EDARADD: variants seen among roughly 807,000 people sequenced by gnomAD.
EDARADD encodes the protein ectodysplasin-A receptor-associated adapter protein.
Under a neutral mutation model 25.6 loss-of-function variants are expected in EDARADD, and 20 were observed. The ratio of observed to expected loss-of-function variants is 0.78; its 90% CI spans 0.55 to 1.14. The LOEUF is 1.14. Among genes scored for constraint, EDARADD ranks in the 50% most tolerant of loss-of-function variants. EDARADD has a pLI of 0.00. For synonymous variants in EDARADD, 86 were observed against 94.4 expected, an observed-to-expected ratio of 0.91 and a Z score of 0.52; for missense variants, 225 against 270.1, an observed-to-expected ratio of 0.83 and a Z score of 1.17.
At chr1:236,454,242 GT>G (rs1356078556) in intron 4 of EDARADD, among the ~76,000 whole-genome samples, 1 of 152,076 alleles carries the variant, frequency 6.6e-6, no homozygotes, top group African/African-American at 2.4e-5. Flanking sequence ...TAGAGACAGG[GT>G]TTCACCCTGT....
In EDARADD at chr1:236,484,649, A is replaced by T. The variant is rs1167754997; in HGVS notation, c.*2000A>T. On this transcript the variant is annotated 3_prime_UTR_variant, in exon 6 of 6. Transcript: ENST00000334232. This position sits in a 1 kb window ranked among gnomAD's most constrained non-coding sequence, Gnocchi z 4.1. ...TAGAACTTCTACAGAAGCAGGTTGC[A>T]GTGAGCCGAGATTGCGCCACTGCAC... The T allele has an allele frequency of 2.2e-5, 10 of 462,240 alleles. No individual in the cohort carries two copies. Among genetic ancestry groups the T allele is most frequent in the Non-Finnish European group, 2.8e-5 (7 of 249,328 alleles). 28.6% of individuals were successfully genotyped at this position (462,240 alleles called of 1,614,324 possible).
At position 236,483,729 on chromosome 1, in the gene EDARADD, T is replaced by A. The variant is rs1247471471; in HGVS notation, c.*1080T>A. The A allele has an allele frequency of 6.6e-7, 1 of 1,524,586 alleles. No individual in the cohort carries two copies. The highest frequency in any genetic ancestry group is 1.4e-5 in the African/African-American group (1 of 72,908). 94.4% of individuals were successfully genotyped at this position (1,524,586 alleles called of 1,614,324 possible). On this transcript the variant is annotated 3_prime_UTR_variant, in exon 6 of 6. Coordinates refer to ENST00000334232, the MANE Select transcript of EDARADD (RefSeq NM_145861.4). ...AGCCATGCCCATTGGAGCGGAGGTTTACCACAGCCTGAAGAATGTCATCAA... is the reference window on the plus strand; with the variant it reads ...AGCCATGCCCATTGGAGCGGAGGTTAACCACAGCCTGAAGAATGTCATCAA...
intron 4 of EDARADD, among the ~76,000 whole-genome samples, chr1:236,450,295 A>AG (rs1658676286): frequency 6.8e-6 from 1 of 147,010 alleles, no homozygotes; most frequent in African/African-American, 2.7e-5. Flanking sequence ...CTCTGTCTCT[A>AG]AAATAATAAT....
intron 3 of EDARADD, among the ~76,000 whole-genome samples, chr1:236,389,007 C>CA (rs11415878): frequency 0.86 from 131,123 of 152,126 alleles, 56,642 homozygotes; most frequent in Middle Eastern, 0.94. Flanking sequence ...AAACATCCCT[C>CA]AAAAAACTTC....
intron 4 of EDARADD, among the ~76,000 whole-genome samples, chr1:236,443,020 G>A (rs1658442860): frequency 6.6e-6 from 1 of 152,268 alleles, no homozygotes; most frequent in African/African-American, 2.4e-5. Flanking sequence ...GGATTAATGA[G>A]TTATCGTGAG....
chr1:236,483,631 GT>G lies in EDARADD; in HGVS notation c.*984del. The G allele has an allele frequency of 6.4e-7, 1 of 1,562,626 alleles. No homozygotes were observed. Among genetic ancestry groups the G allele is most frequent in the Non-Finnish European group, 8.8e-7 (1 of 1,135,122 alleles). ...CCGGTGTTCAATGTCATCAATGGCA[GT>G]TCTCATGCTGTCACCAAGCTGGCCA... On this transcript the variant is annotated 3_prime_UTR_variant, in exon 6 of 6. Coordinates refer to ENST00000334232, the MANE Select transcript of EDARADD (RefSeq NM_145861.4).
chr1:236,440,425 T>C (rs2103021985), intron 4 of EDARADD, among the ~76,000 whole-genome samples: 1 of 152,310 alleles, frequency 6.6e-6, no homozygotes, highest in East Asian at 1.9e-4. Flanking sequence ...GGGATTATGA[T>C]TGGGATTGCA....
chr1:236,361,610 G>A (rs1350302784), intron 3 of EDARADD, among the ~76,000 whole-genome samples: 1 of 123,240 alleles, frequency 8.1e-6, no homozygotes, highest in African/African-American at 3.4e-5. Context: ...GATTACAGAC[G>A]TGAGCCACCA....
intron 1 of EDARADD, among the ~76,000 whole-genome samples, chr1:236,399,729 G>A (rs1340138077): frequency 2.0e-5 from 3 of 152,242 alleles, no homozygotes; most frequent in African/African-American, 7.2e-5. Context: ...AAACAACCGG[G>A]CTTTGAAGGT....
Position 236,414,261 on chromosome 1 carries a change from C to A in EDARADD, c.122C>A (p.Ser41Ter). The change falls in exon 3 of 6, where the codon TCA (serine) becomes TAA (stop). Residue 41 changes from serine (S) to a stop codon, truncating the protein, a stop_gained and splice_region_variant. Transcript: ENST00000334232. LOFTEE classifies it high-confidence loss of function. ...TDPSTLSFNMSDKYPIQDTEL... is the reference protein window; with the variant it reads ...TDPSTLSFNM The stretch of plus-strand genomic sequence containing the variant: ...CTCCTCTTTTGTTGGTTTCTACAGT[C>A]AGACAAATATCCCATTCAAGATACG... 3 of 1,609,904 alleles carry A rather than the reference C, an allele frequency of 1.9e-6. No homozygotes were observed. The South Asian group carries it at 3.3e-5, about 18-fold the overall frequency.
chr1:236,484,024 ACC>A lies in EDARADD; in HGVS notation c.*1377_*1378del. ...CTGTACAAGTCCTTCATCAAAAACT[ACC>A]CAGTGGTGTCTACTGAAGATCCCTT... On this transcript the variant is annotated 3_prime_UTR_variant, in exon 6 of 6. Transcript: ENST00000334232. The surrounding 1 kb of genome is among the most constrained non-coding windows in gnomAD (Gnocchi z 4.1). 2 of 1,505,110 alleles carry A rather than the reference ACC, an allele frequency of 1.3e-6. No homozygotes were observed. Among genetic ancestry groups the A allele is most frequent in the South Asian group, 2.2e-5 (2 of 88,906 alleles). The allele number at this position is 1,505,110 out of a possible 1,614,324, so 93.2% of individuals were successfully genotyped here.
At chr1:236,425,512 G>C (rs1337087451) in intron 3 of EDARADD, among the ~76,000 whole-genome samples, 1 of 152,028 alleles carries the variant, frequency 6.6e-6, no homozygotes, top group African/African-American at 2.4e-5. Context: ...CTGACCTGGG[G>C]ATGCACTTCA....
At chr1:236,373,291 T>C (rs35142545) in intron 3 of EDARADD, among the ~76,000 whole-genome samples, 44,614 of 151,198 alleles carry the variant, frequency 0.3, 6,903 homozygotes, top group African/African-American at 0.39. Context: ...CTGCAACCTC[T>C]GCCTCCCTGG....
intron 3 of EDARADD, among the ~76,000 whole-genome samples, chr1:236,368,638 C>T (rs1391586175): frequency 6.6e-6 from 1 of 151,966 alleles, no homozygotes; most frequent in Middle Eastern, 3.2e-3. Flanking sequence ...AAGGGTTTCT[C>T]CATGTTGGTC....
At chr1:236,467,424 GCGCA>G (rs1421322182) in intron 4 of EDARADD, among the ~76,000 whole-genome samples, 2,617 of 120,838 alleles carry the variant, frequency 0.022, 47 homozygotes, top group African/African-American at 0.084. Flanking sequence ...GCACACACAC[GCGCA>G]CACACACACA....
chr1:236,427,862 A>G (rs61570472), intron 4 of EDARADD, among the ~76,000 whole-genome samples: 7,012 of 152,038 alleles, frequency 0.046, 410 homozygotes, highest in African/African-American at 0.14. Flanking sequence ...AAACTTTAAC[A>G]TATTATTTCT....
In EDARADD at chr1:236,395,277, A is replaced by G. The variant is rs1667492821; in HGVS notation, c.61+772A>G. 5 of 1,020,458 alleles carry G rather than the reference A, an allele frequency of 4.9e-6. No individual in the cohort carries two copies. Among genetic ancestry groups the G allele is most frequent in the Non-Finnish European group, 5.0e-6 (4 of 804,220 alleles). 63.2% of individuals were successfully genotyped at this position (1,020,458 alleles called of 1,614,324 possible). On this transcript the variant is annotated intron_variant, in intron 1 of 5. Transcript: ENST00000334232. This position sits in a 1 kb window ranked among gnomAD's most constrained non-coding sequence, Gnocchi z 6.9. ...CAGGGGGACGTGGGTACCGGGCAGG[A>G]CGCGCGCTCTGGGCGCTGGGGACGC...
chr1:236,468,962 G>C (rs1381857686), intron 5 of EDARADD, among the ~76,000 whole-genome samples: 1 of 152,158 alleles, frequency 6.6e-6, no homozygotes, highest in African/African-American at 2.4e-5. Context: ...TCATCTCTCT[G>C]TTTGTGCCTT....
chr1:236,436,437 C>T (rs7523418), intron 4 of EDARADD, among the ~76,000 whole-genome samples: 11,426 of 152,024 alleles, frequency 0.075, 1,361 homozygotes, highest in African/African-American at 0.24. Flanking sequence ...GCTGAGATTA[C>T]AGGCGTGAGC....
Sources: allele counts gnomAD v4.1 joint callset (sites outside exome capture counted in the v4.1 genomes callset), GRCh38; gene constraint gnomAD v4.1.1; non-coding constraint Gnocchi (gnomAD v3.1); transcripts MANE v1.5; gene names NCBI Gene and HGNC (gene_info 2026-07-23, HGNC 2026-07-21).